The following RAB40C variants were observed in gnomAD, a reference collection of about 807,000 sequenced individuals.
RAB40C encodes ras-related protein Rab-40C.
Under a neutral mutation model 28.1 loss-of-function variants are expected in RAB40C, and 8 were observed. The ratio of observed to expected loss-of-function variants is 0.28; its 90% CI spans 0.17 to 0.51. The LOEUF (loss-of-function observed/expected upper bound fraction) is 0.51, where lower values mean the gene tolerates loss of function less well. RAB40C is among the 20% of genes least tolerant of loss of function. The probability of loss-of-function intolerance (pLI) is 0.97; values close to 1 mark genes in which losing one functional copy is unlikely to be tolerated. For synonymous variants in RAB40C, 201 were observed against 171.7 expected, an observed-to-expected ratio of 1.17 and a Z score of -1.34; for missense variants, 288 against 405.9, an observed-to-expected ratio of 0.71 and a Z score of 2.50.
chr16:603,090 C>T (rs2036289282), intron 1 of RAB40C, among the ~76,000 whole-genome samples: 1 of 152,178 alleles, frequency 6.6e-6, no homozygotes, highest in African/African-American at 2.4e-5. Context: ...GGGGCCAGAC[C>T]TGTGTTTTTT....
At chr16:616,916 A>G (rs1343974059) in intron 1 of RAB40C, 2 of 423,000 alleles carry the variant, frequency 4.7e-6, no homozygotes, top group East Asian at 4.1e-5. Context: ...AGCCGTGCCC[A>G]TGGAGAGGCT....
intron 3 of RAB40C, 23 bp downstream of exon 3, chr16:618,283 C>A: frequency 6.3e-7 from 1 of 1,588,408 alleles, no homozygotes; most frequent in Non-Finnish European, 8.6e-7. Flanking sequence ...CCGCTCTTTC[C>A]ATTGCTTTTC....
At position 618,833 on chromosome 16, in the gene RAB40C, G is replaced by A. The variant is rs570903106; in HGVS notation, c.264+573G>A. Among the ~76,000 whole-genome samples, 14 of 120,226 alleles carry A rather than the reference G, an allele frequency of 1.2e-4. No individual in the cohort carries two copies. In the South Asian group the frequency reaches 4.8e-3, roughly 41 times the overall value. 78.9% of individuals were successfully genotyped at this position (120,226 alleles called of 152,430 possible). A position where few individuals can be genotyped will look rare whatever the true frequency, so the allele number is the denominator to read the frequency against. On this transcript the variant is annotated intron_variant, in intron 3 of 5. Transcript: ENST00000248139. ...GTGCACAGGTGTAGTGGGTGCACTC[G>A]GCCATGTGTATGTGCAGGCATGTGC...
chr16:595,666 G>T (rs1009287942), intron 1 of RAB40C, among the ~76,000 whole-genome samples: 1 of 150,134 alleles, frequency 6.7e-6, no homozygotes, highest in Non-Finnish European at 1.5e-5. Context: ...GCAGTGGCAC[G>T]GTCTCGGCTC....
intron 3 of RAB40C, among the ~76,000 whole-genome samples, chr16:623,347 T>A (rs1167608374): frequency 6.6e-6 from 1 of 152,180 alleles, no homozygotes; most frequent in Non-Finnish European, 1.5e-5. Context: ...TTCATACTTT[T>A]ATTTTTTAAA....
At position 590,427 on chromosome 16, in the gene RAB40C, A is replaced by G. The variant is rs760042619; in HGVS notation, c.136A>G (p.Ser46Gly). ...DGAAESPYAY[S>G]NGIDYKTTTI... The stretch of plus-strand genomic sequence containing the variant: ...CGCGGCAGAGTCCCCGTACGCCTAC[A>G]GTAACGGTAAGGCCCGGCCCGCGGC... Residue 46 changes from serine (S) to glycine (G), a missense_variant, in exon 1 of 6, where the codon AGT becomes GGT. This residue lies in a region of RAB40C where 78 missense variants were observed against 88.2 expected (regional missense o/e 0.88). Transcript: ENST00000248139. 6 of 1,586,828 alleles carry G rather than the reference A, an allele frequency of 3.8e-6. No individual in the cohort carries two copies. Among genetic ancestry groups the G allele is most frequent in the Admixed American group, 1.7e-5 (1 of 57,678 alleles).
chr16:599,308 C>T (rs140707344), intron 1 of RAB40C, among the ~76,000 whole-genome samples: 1 of 152,240 alleles, frequency 6.6e-6, no homozygotes, highest in Non-Finnish European at 1.5e-5. Context: ...CAGTGTCAGG[C>T]TGATGCCTGC....
At chr16:615,898 G>T (rs1022851639) in intron 1 of RAB40C, among the ~76,000 whole-genome samples, 29 of 152,000 alleles carry the variant, frequency 1.9e-4, no homozygotes, top group African/African-American at 5.8e-4. Flanking sequence ...GGAGGTGGAG[G>T]TTGTAGTGAC....
At chr16:621,482 C>T (rs1042914048) in intron 3 of RAB40C, among the ~76,000 whole-genome samples, 25 of 152,380 alleles carry the variant, frequency 1.6e-4, no homozygotes, top group South Asian at 2.1e-4. Flanking sequence ...CAAAGGCCAC[C>T]GGCCACTCCC....
At chr16:600,466 G>A (rs2036225869) in intron 1 of RAB40C, among the ~76,000 whole-genome samples, 1 of 152,206 alleles carries the variant, frequency 6.6e-6, no homozygotes, top group Non-Finnish European at 1.5e-5. Flanking sequence ...AAGAGCTTTG[G>A]TGCCGGATGG....
chr16:618,929 T>C (rs1407352323), intron 3 of RAB40C, among the ~76,000 whole-genome samples: 1 of 79,792 alleles, frequency 1.3e-5, no homozygotes, highest in Non-Finnish European at 2.3e-5. Flanking sequence ...GCTGTGTGTG[T>C]GCACAGGTGT....
intron 1 of RAB40C, among the ~76,000 whole-genome samples, chr16:597,329 G>C (rs1409022954): frequency 6.6e-6 from 1 of 152,072 alleles, no homozygotes; most frequent in South Asian, 2.1e-4. Context: ...CCCCTGAGCA[G>C]CCTTCGCCGT....
Position 590,389 on chromosome 16 carries a change from G to A in RAB40C, c.98G>A (p.Ser33Asn). ...SDVGKGEILE[S>N]LQDGAAESPY... Reference sequence around the variant, plus strand: ...GTGGGCAAGGGCGAGATCCTGGAGAGCCTGCAGGACGGCGCGGCAGAGTCC... The same window carrying A: ...GTGGGCAAGGGCGAGATCCTGGAGAACCTGCAGGACGGCGCGGCAGAGTCC... Residue 33 changes from serine to asparagine, a missense_variant, in exon 1 of 6, where the codon AGC becomes AAC. This residue lies in a region of RAB40C where 78 missense variants were observed against 88.2 expected (regional missense o/e 0.88). Transcript: ENST00000248139. The A allele has an allele frequency of 6.3e-7, 1 of 1,596,712 alleles. No homozygotes were observed. The highest frequency in any genetic ancestry group is 2.3e-5 in the East Asian group (1 of 43,064).
chr16:590,241 A>G lies in RAB40C; in HGVS notation c.-51A>G, dbSNP rs1295532516. ...GCGGGCTCTCTCACGCCGCGGCCTC[A>G]CCCGGCGGTGCTTCGGCAGGCGGCC... On this transcript the variant is annotated 5_prime_UTR_variant, in exon 1 of 6. Coordinates refer to ENST00000248139, the MANE Select transcript of RAB40C (RefSeq NM_021168.5). 2.2e-6 allele frequency: 3 copies of G among 1,334,744 alleles called. No individual in the cohort carries two copies. Among genetic ancestry groups the G allele is most frequent in the Admixed American group, 7.3e-5 (2 of 27,240 alleles). The allele number at this position is 1,334,744 out of a possible 1,614,324, so 82.7% of individuals were successfully genotyped here.
intron 3 of RAB40C, among the ~76,000 whole-genome samples, chr16:619,306 T>C (rs1937565853): frequency 6.8e-6 from 1 of 147,570 alleles, no homozygotes; most frequent in Non-Finnish European, 1.5e-5. Flanking sequence ...TGTGCACAGG[T>C]GTAGTGGGTG....
chr16:625,853 G>A, intron 4 of RAB40C, 46 bp from the exon 5 acceptor site: 2 of 1,529,802 alleles, frequency 1.3e-6, no homozygotes, highest in Non-Finnish European at 1.8e-6. Flanking sequence ...GCTGAGGGGT[G>A]GGTGGCACCC....
intron 1 of RAB40C, among the ~76,000 whole-genome samples, chr16:616,382 A>G (rs7185390): frequency 0.5 from 74,081 of 149,560 alleles, 18,827 homozygotes; most frequent in East Asian, 0.65. Context: ...ACTGTCACCC[A>G]GGCAGGAGTG....
chr16:600,433 AACATTGTT>A (rs1248988577), intron 1 of RAB40C, among the ~76,000 whole-genome samples: 1 of 147,646 alleles, frequency 6.8e-6, no homozygotes, highest in Non-Finnish European at 1.5e-5. Context: ...CCGAGTTTAA[AACATTGTT>A]GTTGGACTTT....
At chr16:601,155 C>T (rs1409863377) in intron 1 of RAB40C, among the ~76,000 whole-genome samples, 3 of 152,188 alleles carry the variant, frequency 2.0e-5, no homozygotes, top group Non-Finnish European at 4.4e-5. Context: ...GAAGCTGTAG[C>T]TCCCACGTGT....
Sources: gnomAD v4.1 joint callset for allele counts (sites outside exome capture counted in the v4.1 genomes callset) on GRCh38, gnomAD v4.1.1 for gene constraint, gnomAD v4.1.1 regional missense constraint, MANE v1.5 for transcripts, NCBI Gene and HGNC (gene_info 2026-07-23, HGNC 2026-07-21) for gene names.